The following PATJ variants were observed in gnomAD, a reference collection of about 807,000 sequenced individuals.
PATJ encodes the protein inaD-like protein.
Under a neutral mutation model 224.9 loss-of-function variants are expected in PATJ, and 190 were observed. The ratio of observed to expected loss-of-function variants is 0.84; its 90% confidence interval spans 0.75 to 0.95. PATJ has a LOEUF of 0.95. Ranked by LOEUF, PATJ falls within the 40% of genes least tolerant of loss-of-function variation. The pLI, the probability that PATJ is intolerant of heterozygous loss-of-function variation, is 0.00. For synonymous variants in PATJ, 769 were observed against 820.3 expected, an observed-to-expected ratio of 0.94 and a Z score of 1.07; for missense variants, 2,121 against 2,270.3, an observed-to-expected ratio of 0.93 and a Z score of 1.34.
intron 29 of PATJ, among the ~76,000 whole-genome samples, chr1:62,023,958 A>C (rs1011668551): frequency 2.0e-5 from 3 of 152,164 alleles, no homozygotes; most frequent in Admixed American, 2.0e-4. Flanking sequence ...GATGATCATC[A>C]TATGATTTTC....
rs140461579 is a variant in PATJ at position 62,106,115 on chromosome 1, C to CACACACAA, written c.4378-2317_4378-2316insCAAACACA. Reference sequence around the variant, plus strand: ...ACACACACACACACACACACACACACACACAAACACACATATATACATGTG... The same window carrying CACACACAA: ...ACACACACACACACACACACACACACACACACAAACACAAACACACATATATACATGTG... On this transcript the variant is annotated intron_variant, in intron 33 of 43. Transcript: ENST00000642238. Among the ~76,000 whole-genome samples the CACACACAA allele has an allele frequency of 1.5e-4, 7 of 46,470 alleles. No individual in the cohort carries two copies. The East Asian group carries it at 1.6e-3, about 11-fold the overall frequency. The allele number at this position is 46,470 out of a possible 152,430, so 30.5% of individuals were successfully genotyped here.
chr1:61,850,025 C>G (rs904058301), intron 17 of PATJ, among the ~76,000 whole-genome samples: 1 of 152,074 alleles, frequency 6.6e-6, no homozygotes, highest in African/African-American at 2.4e-5. Flanking sequence ...CTTGTTGATT[C>G]CTTCTGTCTC....
intron 14 of PATJ, among the ~76,000 whole-genome samples, chr1:61,813,344 T>A (rs12755345): frequency 1.1e-5 from 1 of 88,108 alleles, no homozygotes; most frequent in Non-Finnish European, 2.0e-5. Context: ...CATATATATA[T>A]ATATATATAT....
chr1:62,030,083 GA>G (rs1164607837), intron 29 of PATJ, among the ~76,000 whole-genome samples: 3 of 152,156 alleles, frequency 2.0e-5, no homozygotes, highest in Non-Finnish European at 2.9e-5. Flanking sequence ...CAGGCAACAT[GA>G]AAAGGACATG....
intron 1 of PATJ, among the ~76,000 whole-genome samples, chr1:61,762,002 G>A (rs1212082129): frequency 6.6e-6 from 1 of 152,052 alleles, no homozygotes; most frequent in Non-Finnish European, 1.5e-5. Context: ...TGTCTTTTGA[G>A]ATTAAGATGC....
At chr1:61,832,956 T>A (rs2148790952) in intron 16 of PATJ, among the ~76,000 whole-genome samples, 1 of 152,028 alleles carries the variant, frequency 6.6e-6, no homozygotes, top group Non-Finnish European at 1.5e-5. Context: ...AGACAGGGAG[T>A]CTAGAATAGA....
intron 27 of PATJ, among the ~76,000 whole-genome samples, chr1:61,987,932 CTCACACCT>C (rs1644852363): frequency 6.6e-6 from 1 of 152,224 alleles, no homozygotes; most frequent in African/African-American, 2.4e-5. Flanking sequence ...GACATGGTGG[CTCACACCT>C]GTAATCCCAG....
chr1:61,952,676 A>G (rs952199079), intron 27 of PATJ, among the ~76,000 whole-genome samples: 1 of 152,224 alleles, frequency 6.6e-6, no homozygotes, highest in Non-Finnish European at 1.5e-5. Flanking sequence ...CAGACTGTCA[A>G]AGATATACCA....
At chr1:61,856,644 A>G (rs533424422) in intron 18 of PATJ, among the ~76,000 whole-genome samples, 17 of 152,182 alleles carry the variant, frequency 1.1e-4, no homozygotes, top group Non-Finnish European at 2.4e-4. Flanking sequence ...GCTGGAGTGC[A>G]GTGGCACGAT....
chr1:62,141,513 A>G (rs188814518), intron 41 of PATJ, among the ~76,000 whole-genome samples: 203 of 152,190 alleles, frequency 1.3e-3, no homozygotes, highest in African/African-American at 4.6e-3. Context: ...CATCTGTACT[A>G]AAAATACAAA....
At chr1:61,973,337 T>C (rs1192711159) in intron 27 of PATJ, among the ~76,000 whole-genome samples, 3 of 152,004 alleles carry the variant, frequency 2.0e-5, no homozygotes, top group African/African-American at 4.8e-5. Context: ...CTGATGGTTA[T>C]TGGAAATAAT....
intron 8 of PATJ, among the ~76,000 whole-genome samples, chr1:61,788,525 T>C (rs752268334): frequency 2.6e-4 from 40 of 152,190 alleles, no homozygotes; most frequent in Non-Finnish European, 2.1e-4. Context: ...AAAGACCTTA[T>C]AGGGAGTAAG....
intron 41 of PATJ, among the ~76,000 whole-genome samples, chr1:62,139,916 C>T (rs978862147): frequency 6.6e-6 from 1 of 151,916 alleles, no homozygotes; most frequent in African/African-American, 2.4e-5. Context: ...TGAACCACCA[C>T]GCCCAGCTAA....
chr1:62,148,764 C>G (rs1668331640), intron 42 of PATJ, among the ~76,000 whole-genome samples: 1 of 152,258 alleles, frequency 6.6e-6, no homozygotes, highest in East Asian at 1.9e-4. Flanking sequence ...TGACATGTTT[C>G]ATTAAAACCA....
chr1:61,801,297 T>C (rs1652442790), intron 11 of PATJ, among the ~76,000 whole-genome samples: 1 of 152,216 alleles, frequency 6.6e-6, no homozygotes, highest in Non-Finnish European at 1.5e-5. Context: ...TGGTATCTCA[T>C]TGTGGTTTTG....
At chr1:61,879,833 A>ATTTTTTT (rs11386909) in intron 21 of PATJ, among the ~76,000 whole-genome samples, 6 of 145,584 alleles carry the variant, frequency 4.1e-5, no homozygotes, top group African/African-American at 5.1e-5. Flanking sequence ...TACTCCATCT[A>ATTTTTTT]TTTTTTTTTT....
intron 27 of PATJ, among the ~76,000 whole-genome samples, chr1:61,984,854 C>T (rs574677561): frequency 2.0e-5 from 3 of 152,086 alleles, no homozygotes; most frequent in Non-Finnish European, 4.4e-5. Context: ...TAGTCATATG[C>T]GTGCTTGTCT....
chr1:61,803,191 T>C (rs995447759), intron 12 of PATJ, among the ~76,000 whole-genome samples: 1 of 152,214 alleles, frequency 6.6e-6, no homozygotes, highest in African/African-American at 2.4e-5. Flanking sequence ...ATTACACTTA[T>C]ACTAGGGATA....
chr1:62,144,278 C>G (rs1188069088), intron 41 of PATJ, among the ~76,000 whole-genome samples: 1 of 152,084 alleles, frequency 6.6e-6, no homozygotes, highest in Non-Finnish European at 1.5e-5. Flanking sequence ...AGTGGTACTT[C>G]CAGAAGATTC....
Sources: gnomAD v4.1 joint callset for allele counts (sites outside exome capture counted in the v4.1 genomes callset) on GRCh38, gnomAD v4.1.1 for gene constraint, MANE v1.5 for transcripts, NCBI Gene and HGNC (gene_info 2026-07-23, HGNC 2026-07-21) for gene names.